NACC2: variants seen among roughly 807,000 people sequenced by gnomAD.
The protein encoded by NACC2 is nucleus accumbens-associated protein 2.
In NACC2, 8 loss-of-function variants were observed where a neutral mutation model predicts 25.1. The ratio of observed to expected loss-of-function variants is 0.32; its 90% CI spans 0.19 to 0.57. The LOEUF (loss-of-function observed/expected upper bound fraction) is 0.57, where lower values mean the gene tolerates loss of function less well. NACC2 is among the 20% of genes least tolerant of loss of function. NACC2 has a pLI of 0.89. For missense variants in NACC2, 644 were observed against 650.2 expected, an observed-to-expected ratio of 0.99 and a Z score of 0.10; for synonymous variants, 435 against 294.7, an observed-to-expected ratio of 1.48 and a Z score of -4.88.
At position 136,033,894 on chromosome 9, in the gene NACC2, GGTGTGTGTGTGTGTGTGTGT is replaced by G. The variant is rs57460855; in HGVS notation, c.886+15722_886+15741del. Among the ~76,000 whole-genome samples the G allele has an allele frequency of 5.1e-3, 704 of 137,026 alleles. 5 individuals are homozygous for G. The highest frequency in any genetic ancestry group is 0.018 in the African/African-American group (658 of 36,448). The allele number at this position is 137,026 out of a possible 152,430, so 89.9% of individuals were successfully genotyped here. A position where few individuals can be genotyped will look rare whatever the true frequency, so the allele number is the denominator to read the frequency against. ...ATGCAATCCCAATCAAATTCCAGCA[GGTGTGTGTGTGTGTGTGTGT>G]GTGTGTGTGTGTGTGTGTGTGTGTG... On this transcript the variant is annotated intron_variant, in intron 2 of 5. Transcript: ENST00000277554.
At chr9:136,060,543 G>C (rs188635077) in intron 1 of NACC2, among the ~76,000 whole-genome samples, 1 of 152,220 alleles carries the variant, frequency 6.6e-6, no homozygotes, top group African/African-American at 2.4e-5. Flanking sequence ...CACTGGGGCC[G>C]GGTGGGGGGT....
intron 1 of NACC2, among the ~76,000 whole-genome samples, chr9:136,081,235 C>T (rs1020213768): frequency 8.5e-5 from 13 of 152,326 alleles, no homozygotes; most frequent in African/African-American, 3.1e-4. Context: ...TGGACTCAGT[C>T]CCGACGGGCA....
intron 2 of NACC2, among the ~76,000 whole-genome samples, chr9:136,034,075 AC>A (rs1292705453): frequency 6.6e-6 from 1 of 152,216 alleles, no homozygotes; most frequent in Non-Finnish European, 1.5e-5. Flanking sequence ...ATTTTTAAAA[AC>A]ATGTACTGCC....
rs539933579 is a variant in NACC2 at position 136,015,907 on chromosome 9, C to T, written c.1051+358G>A. The stretch of plus-strand genomic sequence containing the variant: ...CAGAAGGATCCCGCCTTGACTGCTG[C>T]TGCCACTTGGAACCTGGCCGTTACC... On this transcript the variant is annotated intron_variant, in intron 3 of 5. Coordinates refer to ENST00000277554, the MANE Select transcript of NACC2 (RefSeq NM_144653.5). 2.0e-3 allele frequency among the ~76,000 whole-genome samples: 302 copies of T among 152,366 alleles called. 4 individuals carry two copies. The highest frequency in any genetic ancestry group is 6.9e-3 in the African/African-American group (288 of 41,586).
intron 1 of NACC2, 90 bp from the exon 2 acceptor site, chr9:136,050,670 G>GGGA: frequency 1.5e-6 from 1 of 646,402 alleles, no homozygotes; most frequent in Middle Eastern, 4.0e-4. Flanking sequence ...CCCCCGCCGG[G>GGGA]GGCTTACAAA....
In NACC2 at chr9:136,009,166, G is replaced by A. The variant is rs1213654987; in HGVS notation, c.*2350C>T. The A allele has an allele frequency of 6.6e-6, 1 of 152,248 alleles. No homozygotes were observed. Among genetic ancestry groups the A allele is most frequent in the African/African-American group, 2.4e-5 (1 of 41,452 alleles). 9.4% of individuals were successfully genotyped at this position (152,248 alleles called of 1,614,324 possible). On this transcript the variant is annotated 3_prime_UTR_variant, in exon 6 of 6. Coordinates refer to ENST00000277554, the MANE Select transcript of NACC2 (RefSeq NM_144653.5). The stretch of plus-strand genomic sequence containing the variant: ...GATGGTCAAATTAAAGTGCAAATTT[G>A]GGTGTGGGGCAGATGAAGGAAACTC...
At chr9:136,073,437 AT>A (rs67068252) in intron 1 of NACC2, among the ~76,000 whole-genome samples, 31,199 of 151,334 alleles carry the variant, frequency 0.21, 3,818 homozygotes, top group East Asian at 0.4. Context: ...CAAAAAAAAA[AT>A]TTTTAATAAA....
chr9:136,007,288 C>T lies in NACC2; in HGVS notation c.*4228G>A, dbSNP rs943690330. 1 of 154,430 alleles carries T rather than the reference C, an allele frequency of 6.5e-6. No individual in the cohort carries two copies. The highest frequency in any genetic ancestry group is 1.5e-5 in the Non-Finnish European group (1 of 68,226). The allele number at this position is 154,430 out of a possible 1,614,324, so 9.6% of individuals were successfully genotyped here. ...ACAAACAAACACGAAAAACCTTTGC[C>T]ATTTTAGAACCATCTTGTACCAAAC... is the stretch of plus-strand genomic sequence containing the variant. On this transcript the variant is annotated 3_prime_UTR_variant, in exon 6 of 6. Transcript: ENST00000277554.
At chr9:136,061,980 C>CGTG (rs1841016971) in intron 1 of NACC2, among the ~76,000 whole-genome samples, 1 of 152,002 alleles carries the variant, frequency 6.6e-6, no homozygotes, top group African/African-American at 2.4e-5. Context: ...ATTAACTGAG[C>CGTG]GTGGTGGTGT....
rs75186387 is a variant in NACC2, at chr9:136,065,722, C to A, written c.-59-15142G>T. Among the ~76,000 whole-genome samples the A allele has an allele frequency of 4.6e-3, 705 of 151,758 alleles. 15 individuals are homozygous for A. The highest frequency in any genetic ancestry group is 0.033 in the Admixed American group (503 of 15,236). ...TCAGGATGCTGAGGTGTGAGAATCA[C>A]TTTAACCTAGGAGGTTGAGGCTGCA... On this transcript the variant is annotated intron_variant, in intron 1 of 5. Transcript: ENST00000277554.
Position 136,089,444 on chromosome 9 carries a change from C to T in NACC2, c.-60+5745G>A, listed in dbSNP as rs533645730. On this transcript the variant is annotated intron_variant, in intron 1 of 5. Coordinates refer to ENST00000277554, the MANE Select transcript of NACC2 (RefSeq NM_144653.5). The stretch of plus-strand genomic sequence containing the variant: ...GGTACAGACTTCAGAGAACTCAAGG[C>T]CCTTCAGGTTCTGCTCTGCCTGAGC... 5.3e-5 allele frequency among the ~76,000 whole-genome samples: 8 copies of T among 152,156 alleles called. No homozygotes were observed. In the East Asian group the frequency reaches 1.4e-3, roughly 26 times the overall value.
rs766893804 is a variant in NACC2 at position 136,055,889 on chromosome 9, G to T, written c.-59-5309C>A. The stretch of plus-strand genomic sequence containing the variant: ...GGTCAATCGAAGGCGCTCCTGGAGC[G>T]TGAGAAGGTGTGGGGATGGGGCGGG... On this transcript the variant is annotated intron_variant, in intron 1 of 5. Transcript: ENST00000277554. The surrounding 1 kb of genome is among the most constrained non-coding windows in gnomAD (Gnocchi z 4.9). 1.3e-5 allele frequency among the ~76,000 whole-genome samples: 2 copies of T among 152,164 alleles called. No homozygotes were observed. The highest frequency in any genetic ancestry group is 4.8e-5 in the African/African-American group (2 of 41,428).
At chr9:136,071,490 C>A (rs538481748) in intron 1 of NACC2, among the ~76,000 whole-genome samples, 8 of 136,514 alleles carry the variant, frequency 5.9e-5, no homozygotes, top group African/African-American at 2.2e-4. Flanking sequence ...TTGTACTGAG[C>A]TGAAACCATG....
chr9:136,084,241 A>C lies in NACC2; in HGVS notation c.-60+10948T>G, dbSNP rs1298901486. On this transcript the variant is annotated intron_variant, in intron 1 of 5. Coordinates refer to ENST00000277554, the MANE Select transcript of NACC2 (RefSeq NM_144653.5). The surrounding 1 kb of genome is among the most constrained non-coding windows in gnomAD (Gnocchi z 5.1). ...CCCCGCTCCCAGGTCAAAGACCTCC[A>C]CACCCAGACCTGGTCCTGGGTAGCC... Among the ~76,000 whole-genome samples, 2 of 151,950 alleles carry C rather than the reference A, an allele frequency of 1.3e-5. No individual in the cohort carries two copies. Among genetic ancestry groups the C allele is most frequent in the African/African-American group, 2.4e-5 (1 of 41,354 alleles).
Position 136,044,768 on chromosome 9 carries a change from TC to T in NACC2, c.886+4867del, listed in dbSNP as rs1043447718. Among the ~76,000 whole-genome samples the T allele has an allele frequency of 4.3e-3, 656 of 152,296 alleles. 7 individuals carry two copies. Among genetic ancestry groups the T allele is most frequent in the African/African-American group, 0.015 (618 of 41,558 alleles). ...AGCGGCCTCGGACATACAGCCCTGC[TC>T]CCCGACCGGGCAGGTGTACCTTCCG... On this transcript the variant is annotated intron_variant, in intron 2 of 5. Coordinates refer to ENST00000277554, the MANE Select transcript of NACC2 (RefSeq NM_144653.5).
At chr9:136,047,901 C>G (rs996332687) in intron 2 of NACC2, among the ~76,000 whole-genome samples, 1 of 152,174 alleles carries the variant, frequency 6.6e-6, no homozygotes, top group South Asian at 2.1e-4. Context: ...CCAGCAAACC[C>G]GACACCCAGC....
At chr9:136,045,587 G>C (rs542095869) in intron 2 of NACC2, among the ~76,000 whole-genome samples, 52,631 of 152,084 alleles carry the variant, frequency 0.35, 10,234 homozygotes, top group Non-Finnish European at 0.45. Flanking sequence ...GCGCAGGTCC[G>C]GGCAGCCCCC....
chr9:136,013,144 T>A lies in NACC2; in HGVS notation c.1255+55A>T. On this transcript the variant is annotated intron_variant, in intron 5 of 5. Coordinates refer to ENST00000277554, the MANE Select transcript of NACC2 (RefSeq NM_144653.5). The surrounding 1 kb of genome is among the most constrained non-coding windows in gnomAD (Gnocchi z 6.6). The stretch of plus-strand genomic sequence containing the variant: ...GCGGCCCACCCAGTCCTCCTCAGGC[T>A]GGGATCTGAACCCAGCCCCGGCCCC... 4.2e-6 allele frequency: 6 copies of A among 1,437,634 alleles called. No homozygotes were observed. Among genetic ancestry groups the A allele is most frequent in the African/African-American group, 1.4e-5 (1 of 70,908 alleles). 89.1% of individuals were successfully genotyped at this position (1,437,634 alleles called of 1,614,324 possible).
intron 1 of NACC2, among the ~76,000 whole-genome samples, chr9:136,063,784 G>C (rs1401605513): frequency 6.6e-6 from 1 of 151,636 alleles, no homozygotes; most frequent in Non-Finnish European, 1.5e-5. Flanking sequence ...TCAGGAGGCT[G>C]AGGTAGGAGA....
Sources: allele counts gnomAD v4.1 joint callset (sites outside exome capture counted in the v4.1 genomes callset), GRCh38; gene constraint gnomAD v4.1.1; non-coding constraint Gnocchi (gnomAD v3.1); transcripts MANE v1.5; gene names NCBI Gene and HGNC (gene_info 2026-07-23, HGNC 2026-07-21).